PPARGC1B: variants seen among roughly 807,000 people sequenced by gnomAD.
The protein encoded by PPARGC1B is peroxisome proliferator-activated receptor gamma coactivator 1-beta.
A neutral mutation model predicts 101.6 loss-of-function variants in PPARGC1B; 34 were observed. That is an observed-to-expected ratio of 0.33 (90% CI 0.25 to 0.45). The LOEUF (loss-of-function observed/expected upper bound fraction) is 0.45. Among genes scored for constraint, PPARGC1B ranks in the 20% least tolerant of loss-of-function variants. The pLI is 1.00. For synonymous variants in PPARGC1B, 548 were observed against 539.3 expected, an observed-to-expected ratio of 1.02 and a Z score of -0.22; for missense variants, 1,234 against 1,317.6, an observed-to-expected ratio of 0.94 and a Z score of 0.98.
At chr5:149,765,754 G>A (rs547315053) in intron 1 of PPARGC1B, among the ~76,000 whole-genome samples, 5 of 151,828 alleles carry the variant, frequency 3.3e-5, no homozygotes, top group Admixed American at 2.0e-4. Flanking sequence ...CCAGCTACTC[G>A]GGAGGCTGAG....
chr5:149,815,881 G>A (rs1414284757), intron 1 of PPARGC1B, among the ~76,000 whole-genome samples: 2 of 152,260 alleles, frequency 1.3e-5, no homozygotes, highest in East Asian at 3.9e-4. Context: ...GCCGACATGG[G>A]GACGGTAGCA....
At chr5:149,805,329 A>T (rs1757560222) in intron 1 of PPARGC1B, among the ~76,000 whole-genome samples, 1 of 152,244 alleles carries the variant, frequency 6.6e-6, no homozygotes, top group Non-Finnish European at 1.5e-5. Flanking sequence ...AAAGTAGTGT[A>T]TATGGAAAAT....
At chr5:149,750,723 G>A (rs1015834169) in intron 1 of PPARGC1B, among the ~76,000 whole-genome samples, 8 of 152,146 alleles carry the variant, frequency 5.3e-5, no homozygotes, top group African/African-American at 1.9e-4. Context: ...GTACCATGTG[G>A]CCAATGGGCA....
chr5:149,822,468 C>T (rs959933216), intron 2 of PPARGC1B, among the ~76,000 whole-genome samples: 3 of 152,232 alleles, frequency 2.0e-5, no homozygotes, highest in African/African-American at 7.2e-5. Flanking sequence ...GATGCACCCT[C>T]TGTGCATGTG....
chr5:149,818,922 G>T (rs531591870), intron 1 of PPARGC1B: 1 of 455,284 alleles, frequency 2.2e-6, no homozygotes, highest in East Asian at 7.0e-5. Flanking sequence ...GGTGAATGGG[G>T]ATCTCAACTC....
At position 149,788,710 on chromosome 5, in the gene PPARGC1B, A is replaced by G. The variant is rs1756899043; in HGVS notation, c.79-31723A>G. 2.6e-5 allele frequency among the ~76,000 whole-genome samples: 4 copies of G among 152,342 alleles called. No homozygotes were observed. The South Asian group carries it at 8.3e-4, about 32-fold the overall frequency. On this transcript the variant is annotated intron_variant, in intron 1 of 11. Transcript: ENST00000309241. ...GTCAATAATAGACTGGATTAAGAAA[A>G]TGTGGCACATATACACCATGGAATA...
At chr5:149,809,378 GATAGATAGATAGATCCATCTCTACC>G (rs1757743996) in intron 1 of PPARGC1B, among the ~76,000 whole-genome samples, 1 of 125,052 alleles carries the variant, frequency 8.0e-6, no homozygotes, top group African/African-American at 3.0e-5. Flanking sequence ...TAGATAGATA[GATAGATAGATAGATCCATCTCTACC>G]ATAGATAGAT....
intron 1 of PPARGC1B, among the ~76,000 whole-genome samples, chr5:149,747,859 G>A (rs1377683279): frequency 6.6e-6 from 1 of 152,200 alleles, no homozygotes; most frequent in Non-Finnish European, 1.5e-5. Flanking sequence ...GACAGTGATG[G>A]TGTCTTGGGT....
intron 1 of PPARGC1B, among the ~76,000 whole-genome samples, chr5:149,741,239 G>A (rs920582150): frequency 7.2e-5 from 11 of 152,210 alleles, no homozygotes; most frequent in Non-Finnish European, 1.6e-4. Context: ...AACCAACCAG[G>A]CCCTGAGCAG....
At chr5:149,842,409 G>A (rs780340694) in intron 10 of PPARGC1B, 32 bp downstream of exon 10, 5 of 1,604,738 alleles carry the variant, frequency 3.1e-6, no homozygotes, top group Non-Finnish European at 4.3e-6. Context: ...CAAATGAAGG[G>A]AGCAGAGAGG....
At chr5:149,750,463 T>A (rs1395541869) in intron 1 of PPARGC1B, among the ~76,000 whole-genome samples, 173 of 13,168 alleles carry the variant, frequency 0.013, 4 homozygotes, top group African/African-American at 0.058. Context: ...AATATATATA[T>A]ATATATATAT....
chr5:149,776,062 C>T (rs1158882179), intron 1 of PPARGC1B, among the ~76,000 whole-genome samples: 1 of 152,204 alleles, frequency 6.6e-6, no homozygotes, highest in African/African-American at 2.4e-5. Flanking sequence ...CTCTGCCATA[C>T]CAAGATACCA....
At chr5:149,816,609 C>A (rs892043152) in intron 1 of PPARGC1B, among the ~76,000 whole-genome samples, 1 of 152,224 alleles carries the variant, frequency 6.6e-6, no homozygotes, top group African/African-American at 2.4e-5. Context: ...CTCAGAGCTG[C>A]GGGTTCCTGG....
chr5:149,787,607 C>T (rs1756861743), intron 1 of PPARGC1B, among the ~76,000 whole-genome samples: 1 of 152,188 alleles, frequency 6.6e-6, no homozygotes, highest in South Asian at 2.1e-4. Context: ...GTTGTGGGGC[C>T]AGCTCTTAAG....
At chr5:149,830,680 A>G in intron 3 of PPARGC1B, 87 bp from the exon 4 acceptor site, 1 of 925,244 alleles carries the variant, frequency 1.1e-6, no homozygotes, top group Middle Eastern at 2.2e-4. Flanking sequence ...GTGATGCCCA[A>G]GGTCAGTCCT....
chr5:149,794,524 G>A (rs1757135788), intron 1 of PPARGC1B, among the ~76,000 whole-genome samples: 1 of 143,560 alleles, frequency 7.0e-6, no homozygotes. Context: ...ATGTGAGCGT[G>A]CACACACACA....
chr5:149,835,583 A>C (rs1226068010), intron 7 of PPARGC1B, among the ~76,000 whole-genome samples: 1 of 152,256 alleles, frequency 6.6e-6, no homozygotes, highest in Non-Finnish European at 1.5e-5. Flanking sequence ...GGAATGAACC[A>C]GCATTACAGG....
At position 149,837,909 on chromosome 5, in the gene PPARGC1B, G is replaced by T. The variant is rs1384191528; in HGVS notation, c.2618+836G>T. 6.6e-6 allele frequency among the ~76,000 whole-genome samples: 1 copy of T among 152,126 alleles called. No individual in the cohort carries two copies. Among genetic ancestry groups the T allele is most frequent in the Non-Finnish European group, 1.5e-5 (1 of 68,024 alleles). ...AGCCCAGCTGCCGAATCCGCTGCAG[G>T]ATTTGTTGCGCCTCCACTGGCCGGC... On this transcript the variant is annotated intron_variant, in intron 8 of 11. Coordinates refer to ENST00000309241, the MANE Select transcript of PPARGC1B (RefSeq NM_133263.4). This position sits in a 1 kb window ranked among gnomAD's most constrained non-coding sequence, Gnocchi z 4.2.
Position 149,837,690 on chromosome 5 carries a change from C to T in PPARGC1B, c.2618+617C>T. On this transcript the variant is annotated intron_variant, in intron 8 of 11. Coordinates refer to ENST00000309241, the MANE Select transcript of PPARGC1B (RefSeq NM_133263.4). This position sits in a 1 kb window ranked among gnomAD's most constrained non-coding sequence, Gnocchi z 4.2. ...CGCTGAACCAGACTGGAGAAGAAGCCAGTCCAAAAGTCAGCTGGGGAGCTG... is the reference window on the plus strand; with the variant it reads ...CGCTGAACCAGACTGGAGAAGAAGCTAGTCCAAAAGTCAGCTGGGGAGCTG... 6.6e-6 allele frequency among the ~76,000 whole-genome samples: 1 copy of T among 152,308 alleles called. No individual in the cohort carries two copies. Among genetic ancestry groups the T allele is most frequent in the Middle Eastern group, 3.4e-3 (1 of 294 alleles).
Sources: gnomAD v4.1 joint callset for allele counts (sites outside exome capture counted in the v4.1 genomes callset) on GRCh38, gnomAD v4.1.1 for gene constraint, Gnocchi (gnomAD v3.1) non-coding constraint, MANE v1.5 for transcripts, NCBI Gene and HGNC (gene_info 2026-07-23, HGNC 2026-07-21) for gene names.